The following DNAJC3 variants were observed in gnomAD, a reference collection of about 807,000 sequenced individuals.
DNAJC3 encodes the protein dnaJ homolog subfamily C member 3.
Under a neutral mutation model 68.6 loss-of-function variants are expected in DNAJC3, and 38 were observed. The observed-to-expected ratio is 0.55, with a 90% CI of 0.43 to 0.73. DNAJC3 has a LOEUF of 0.73. Ranked by LOEUF, DNAJC3 falls within the 30% of genes least tolerant of loss-of-function variation. DNAJC3 has a pLI of 0.00. For synonymous variants in DNAJC3, 203 were observed against 204.0 expected (o/e 1.00, Z 0.04); for missense variants, 526 against 591.9 (o/e 0.89, Z 1.16).
At chr13:95,695,646 T>C (rs1695376808) in intron 1 of DNAJC3, 1 of 152,248 alleles carries the variant, frequency 6.6e-6, no homozygotes, top group Non-Finnish European at 1.5e-5. Context: ...TATGTAATTC[T>C]CCATTTTCCT....
chr13:95,790,096 G>C (rs966924786), intron 11 of DNAJC3, among the ~76,000 whole-genome samples: 1 of 152,112 alleles, frequency 6.6e-6, no homozygotes, highest in Non-Finnish European at 1.5e-5. Flanking sequence ...CTGTGTAGAA[G>C]CTCTTTAGTT....
intron 4 of DNAJC3, among the ~76,000 whole-genome samples, chr13:95,757,115 T>C (rs1882685615): frequency 6.6e-6 from 1 of 152,338 alleles, no homozygotes; most frequent in Non-Finnish European, 1.5e-5. Flanking sequence ...ATTACTCTTA[T>C]TTCCTTCTAA....
intron 3 of DNAJC3, among the ~76,000 whole-genome samples, chr13:95,724,730 C>A (rs932518007): frequency 6.6e-6 from 1 of 152,140 alleles, no homozygotes; most frequent in Non-Finnish European, 1.5e-5. Context: ...AATGTAACAT[C>A]GTATAATGTT....
chr13:95,697,594 C>T (rs939359294), intron 1 of DNAJC3, among the ~76,000 whole-genome samples: 13 of 152,014 alleles, frequency 8.6e-5, no homozygotes, highest in African/African-American at 3.1e-4. Context: ...GTTTTATTTC[C>T]TCAAATATGT....
At chr13:95,704,849 G>GTT (rs1292968162) in intron 1 of DNAJC3, among the ~76,000 whole-genome samples, 1 of 102,884 alleles carries the variant, frequency 9.7e-6, no homozygotes, top group Non-Finnish European at 1.7e-5. Flanking sequence ...CTGTGTGTGT[G>GTT]TGTTTTTTTT....
At chr13:95,732,699 T>A (rs1255141083) in intron 4 of DNAJC3, among the ~76,000 whole-genome samples, 1 of 152,112 alleles carries the variant, frequency 6.6e-6, no homozygotes, top group African/African-American at 2.4e-5. Context: ...TCTTTATTTT[T>A]TTTTCCTTCT....
At chr13:95,744,027 C>T (rs1162571186) in intron 4 of DNAJC3, among the ~76,000 whole-genome samples, 1 of 152,088 alleles carries the variant, frequency 6.6e-6, no homozygotes. Context: ...GGTTAGGAGT[C>T]GTAATAAACT....
intron 7 of DNAJC3, among the ~76,000 whole-genome samples, chr13:95,762,110 A>G (rs1882842443): frequency 6.6e-6 from 1 of 152,110 alleles, no homozygotes; most frequent in Non-Finnish European, 1.5e-5. Flanking sequence ...TAAAAATACA[A>G]AATTAGCCGG....
At chr13:95,735,595 G>C (rs1407192462) in intron 4 of DNAJC3, among the ~76,000 whole-genome samples, 1 of 151,124 alleles carries the variant, frequency 6.6e-6, no homozygotes, top group Non-Finnish European at 1.5e-5. Flanking sequence ...TTTTTCATGT[G>C]TTTTTTGGCC....
intron 4 of DNAJC3, among the ~76,000 whole-genome samples, chr13:95,750,617 C>G (rs1347883853): frequency 6.6e-6 from 1 of 151,568 alleles, no homozygotes; most frequent in African/African-American, 2.4e-5. Context: ...TCAAGCAATT[C>G]TCATGCCTCA....
At chr13:95,745,824 C>T (rs939852598) in intron 4 of DNAJC3, 1 of 152,094 alleles carries the variant, frequency 6.6e-6, no homozygotes, top group African/African-American at 2.4e-5. Context: ...GTATTCAATA[C>T]ACTTTGAAGA....
chr13:95,740,817 C>T (rs1199210236), intron 4 of DNAJC3, among the ~76,000 whole-genome samples: 2 of 152,154 alleles, frequency 1.3e-5, no homozygotes, highest in Non-Finnish European at 2.9e-5. Context: ...TGTTCCTATT[C>T]GGCCATCTTG....
At chr13:95,687,772 T>C (rs2139600967) in intron 1 of DNAJC3, among the ~76,000 whole-genome samples, 1 of 152,334 alleles carries the variant, frequency 6.6e-6, no homozygotes, top group Non-Finnish European at 1.5e-5. Flanking sequence ...TTTTTGGTTT[T>C]ATATGAATTT....
rs1387130079 is a variant in DNAJC3, at chr13:95,791,035, A to G, written c.*5A>G. 2 of 1,613,124 alleles carry G rather than the reference A, an allele frequency of 1.2e-6. No homozygotes were observed. The highest frequency in any genetic ancestry group is 4.5e-5 in the East Asian group (2 of 44,868). On this transcript the variant is annotated 3_prime_UTR_variant, in exon 12 of 12. Transcript: ENST00000602402. ...TTTAAATTCCACTTCAATTAAACCA[A>G]CTGTTTTTCTGCTCTTCTTAATTTT...
intron 9 of DNAJC3, among the ~76,000 whole-genome samples, chr13:95,771,623 G>A (rs540794396): frequency 6.6e-6 from 1 of 152,264 alleles, no homozygotes; most frequent in South Asian, 2.1e-4. Context: ...GCTCAAGCTG[G>A]ATTCCACAGG....
Position 95,707,243 on chromosome 13 carries a change from C to T in DNAJC3, c.83-1984C>T, listed in dbSNP as rs80342449. Among the ~76,000 whole-genome samples, 382 of 152,240 alleles carry T rather than the reference C, an allele frequency of 2.5e-3. 2 individuals carry two copies. The highest frequency in any genetic ancestry group is 8.7e-3 in the African/African-American group (363 of 41,530). On this transcript the variant is annotated intron_variant, in intron 1 of 11. Transcript: ENST00000602402. Reference sequence around the variant, plus strand: ...CAGGTGGTAATGCTCTCTGGCTTGCCGATCACTTCCTGCTGTGTGGCCCAG... The same window carrying T: ...CAGGTGGTAATGCTCTCTGGCTTGCTGATCACTTCCTGCTGTGTGGCCCAG...
At chr13:95,726,735 G>A (rs1881537422) in intron 4 of DNAJC3, among the ~76,000 whole-genome samples, 2 of 152,080 alleles carry the variant, frequency 1.3e-5, no homozygotes, top group Admixed American at 1.3e-4. Flanking sequence ...TGTTTTACAT[G>A]GGTTTGCTTC....
intron 1 of DNAJC3, among the ~76,000 whole-genome samples, chr13:95,691,873 T>C (rs868048646): frequency 0.017 from 2,576 of 152,190 alleles, 79 homozygotes; most frequent in African/African-American, 0.059. Flanking sequence ...GCCAACACAG[T>C]GAAACGCCGT....
At chr13:95,757,889 A>G (rs1028692645) in intron 5 of DNAJC3, 93 bp downstream of exon 5, 1 of 1,329,734 alleles carries the variant, frequency 7.5e-7, no homozygotes, top group Admixed American at 2.3e-5. Context: ...AAAGACCTAG[A>G]CAGGAGAAAA....
Sources: allele counts gnomAD v4.1 joint callset (sites outside exome capture counted in the v4.1 genomes callset), GRCh38; gene constraint gnomAD v4.1.1; transcripts MANE v1.5; gene names NCBI Gene and HGNC (gene_info 2026-07-23, HGNC 2026-07-21).